MTHFD2L: variants seen among roughly 807,000 people sequenced by gnomAD.
MTHFD2L encodes the protein bifunctional methylenetetrahydrofolate dehydrogenase/cyclohydrolase 2, mitochondrial.
A neutral mutation model predicts 34.9 loss-of-function variants in MTHFD2L; 29 were observed. That is an observed-to-expected ratio of 0.83 (90% CI 0.62 to 1.13). The LOEUF is 1.13. MTHFD2L is among the 50% of genes most tolerant of loss of function. The probability of loss-of-function intolerance (pLI) is 0.00; values close to 1 mark genes in which losing one functional copy is unlikely to be tolerated. For missense variants in MTHFD2L, 481 were observed against 446.5 expected (o/e 1.08, Z -0.70); for synonymous variants, 167 against 155.7 (o/e 1.07, Z -0.54).
At chr4:74,154,117 G>A (rs886847011), upstream of MTHFD2L, among the ~76,000 whole-genome samples, 2 of 152,160 alleles carry the variant, frequency 1.3e-5, no homozygotes, top group Non-Finnish European at 2.9e-5. Flanking sequence ...ATGTCCCTCT[G>A]TTGGGATTTA....
At chr4:74,207,238 T>C (rs1304045531) in intron 5 of MTHFD2L, among the ~76,000 whole-genome samples, 1 of 152,190 alleles carries the variant, frequency 6.6e-6, no homozygotes, top group Non-Finnish European at 1.5e-5. Flanking sequence ...CATACTTTTA[T>C]TTCTAAGTAG....
intron 1 of MTHFD2L, among the ~76,000 whole-genome samples, chr4:74,152,589 T>C (rs1724008875): frequency 6.6e-6 from 1 of 152,088 alleles, no homozygotes; most frequent in African/African-American, 2.4e-5. Flanking sequence ...ACATACACCA[T>C]GGTAGTTTGC....
At chr4:74,236,977 A>G (rs555666783) in intron 6 of MTHFD2L, among the ~76,000 whole-genome samples, 1 of 152,318 alleles carries the variant, frequency 6.6e-6, no homozygotes, top group South Asian at 2.1e-4. Flanking sequence ...AAAGTGGTTT[A>G]ATAACACCCA....
chr4:74,223,873 T>C (rs889998301), intron 5 of MTHFD2L, among the ~76,000 whole-genome samples: 5 of 152,120 alleles, frequency 3.3e-5, no homozygotes, highest in Admixed American at 6.6e-5. Flanking sequence ...GACAAATGCA[T>C]GTAGTCATCT....
At chr4:74,236,944 A>G (rs1228708678) in intron 6 of MTHFD2L, among the ~76,000 whole-genome samples, 2 of 152,066 alleles carry the variant, frequency 1.3e-5, no homozygotes, top group Admixed American at 1.3e-4. Flanking sequence ...GGATTATATG[A>G]AGTTGTACTT....
intron 3 of MTHFD2L, among the ~76,000 whole-genome samples, chr4:74,177,777 G>A (rs1729330257): frequency 6.6e-6 from 1 of 151,894 alleles, no homozygotes; most frequent in African/African-American, 2.4e-5. Flanking sequence ...ATATCAGTAT[G>A]TCAAAGAGAT....
chr4:74,182,826 C>G (rs552497956), intron 3 of MTHFD2L: 1 of 152,280 alleles, frequency 6.6e-6, no homozygotes, highest in Admixed American at 6.5e-5. Flanking sequence ...GTGCCCTCCT[C>G]CTTCACTTCT....
At chr4:74,281,576 G>T in intron 7 of MTHFD2L, 26 bp downstream of exon 7, 2 of 1,576,824 alleles carry the variant, frequency 1.3e-6, no homozygotes, top group Non-Finnish European at 1.7e-6. Flanking sequence ...CTTTTGATAG[G>T]TGAAGAAGAT....
At chr4:74,169,006 A>T (rs1727344162) in intron 1 of MTHFD2L, among the ~76,000 whole-genome samples, 1 of 152,164 alleles carries the variant, frequency 6.6e-6, no homozygotes, top group Non-Finnish European at 1.5e-5. Flanking sequence ...AGGTTGCTTC[A>T]TTTTGCCTCT....
chr4:74,165,470 G>A (rs1315818952), intron 1 of MTHFD2L, among the ~76,000 whole-genome samples: 4 of 152,218 alleles, frequency 2.6e-5, no homozygotes, highest in African/African-American at 9.6e-5. Context: ...TGATTCTCCT[G>A]CCTCAACCTC....
At chr4:74,131,186 A>C (rs1722467590) in intron 1 of MTHFD2L, among the ~76,000 whole-genome samples, 3 of 152,198 alleles carry the variant, frequency 2.0e-5, no homozygotes, top group Non-Finnish European at 4.4e-5. Flanking sequence ...ATTCAATGCT[A>C]TCCCATCAAG....
rs202138366 is a variant in MTHFD2L, at chr4:74,225,363, G to A, written c.774G>A (p.Thr258=). 7.6e-5 allele frequency: 122 copies of A among 1,612,856 alleles called. No individual in the cohort carries two copies. The highest frequency in any genetic ancestry group is 4.2e-5 in the Non-Finnish European group (49 of 1,179,258). The change falls in exon 6 of 8, where the codon ACG becomes ACA. Residue 258 remains threonine (T), a synonymous_variant. Coordinates refer to ENST00000325278, the MANE Select transcript of MTHFD2L (RefSeq NM_001144978.3). The part of the protein sequence containing the change: ...YTPKEQLKIH[T]QLADIIIVAA... ...CCAAAGAGCAACTGAAGATTCATAC[G>A]CAGCTGGCAGATATTATCATAGTTG...
At chr4:74,147,210 T>C (rs940395656) in intron 1 of MTHFD2L, among the ~76,000 whole-genome samples, 7 of 152,274 alleles carry the variant, frequency 4.6e-5, no homozygotes, top group Non-Finnish European at 1.0e-4. Flanking sequence ...GTTCTTTTCT[T>C]TTTTTTCTCC....
intron 5 of MTHFD2L, among the ~76,000 whole-genome samples, chr4:74,210,252 G>A (rs139855464): frequency 6.6e-6 from 1 of 152,120 alleles, no homozygotes; most frequent in Non-Finnish European, 1.5e-5. Context: ...TTTCAGTCAC[G>A]AAGATATTGC....
chr4:74,246,269 A>G (rs1273843905), intron 6 of MTHFD2L, among the ~76,000 whole-genome samples: 4 of 151,934 alleles, frequency 2.6e-5, no homozygotes, highest in African/African-American at 7.3e-5. Flanking sequence ...GGCTGCATAA[A>G]TGTCTTCTTT....
chr4:74,226,801 G>C (rs1440852804), intron 6 of MTHFD2L, among the ~76,000 whole-genome samples: 3 of 152,184 alleles, frequency 2.0e-5, no homozygotes, highest in Non-Finnish European at 4.4e-5. Context: ...GGATACAAAT[G>C]ATGAAATGCC....
chr4:74,226,012 TAAAGA>T (rs1241240329), intron 6 of MTHFD2L, among the ~76,000 whole-genome samples: 3 of 151,812 alleles, frequency 2.0e-5, no homozygotes, highest in African/African-American at 7.3e-5. Context: ...TTTTTTAACA[TAAAGA>T]AAAAACCCAA....
At chr4:74,271,901 G>A (rs920239750) in intron 6 of MTHFD2L, among the ~76,000 whole-genome samples, 1 of 152,050 alleles carries the variant, frequency 6.6e-6, no homozygotes, top group East Asian at 1.9e-4. Flanking sequence ...TTGTAAGTTG[G>A]ATTCCTAGGT....
chr4:74,282,889 G>A (rs1235837219), intron 7 of MTHFD2L, among the ~76,000 whole-genome samples: 1 of 152,048 alleles, frequency 6.6e-6, no homozygotes, highest in Admixed American at 6.6e-5. Context: ...AATCACTAGG[G>A]AATGACCTCA....
Sources: allele counts gnomAD v4.1 joint callset (sites outside exome capture counted in the v4.1 genomes callset), GRCh38; gene constraint gnomAD v4.1.1; transcripts MANE v1.5; gene names NCBI Gene and HGNC (gene_info 2026-07-23, HGNC 2026-07-21).